EIF5: variants seen among roughly 807,000 people sequenced by gnomAD.
EIF5 encodes eukaryotic translation initiation factor 5.
EIF5 carries 10 observed loss-of-function variants against 48.3 expected under a neutral mutation model. That is an observed-to-expected ratio of 0.21 (90% confidence interval 0.13 to 0.35). EIF5 has a LOEUF of 0.35. Among genes scored for constraint, EIF5 ranks in the 10% least tolerant of loss-of-function variants. The pLI is 1.00. For missense variants in EIF5, 397 were observed against 533.2 expected (o/e 0.74, Z 2.51); for synonymous variants, 237 against 173.1 (o/e 1.37, Z -2.90).
At chr14:103,335,614 T>TA in intron 2 of EIF5, 39 bp from the exon 3 acceptor site, 1 of 552,540 alleles carries the variant, frequency 1.8e-6, no homozygotes, top group South Asian at 2.3e-5. Flanking sequence ...ATGTTAAACC[T>TA]GGGGGGATTT....
intron 10 of EIF5, 87 bp from the exon 11 acceptor site, chr14:103,340,340 T>A (rs2089338387): frequency 2.8e-6 from 4 of 1,427,398 alleles, no homozygotes; most frequent in Non-Finnish European, 3.8e-6. Context: ...TAGGACCCAG[T>A]CCCCTCAGCT....
chr14:103,338,689 G>A (rs371375525), intron 7 of EIF5, 46 bp from the exon 8 acceptor site: 31 of 1,586,730 alleles, frequency 2.0e-5, no homozygotes, highest in Non-Finnish European at 2.5e-5. Flanking sequence ...CCTTTTTGTT[G>A]TTGTTTTTAA....
intron 11 of EIF5, 38 bp from the exon 12 acceptor site, chr14:103,340,921 GATTT>G: frequency 4.4e-6 from 7 of 1,584,026 alleles, no homozygotes; most frequent in Non-Finnish European, 6.1e-6. Flanking sequence ...TTTATAAACA[GATTT>G]ATCAGCTTAT....
intron 6 of EIF5, chr14:103,337,864 G>A (rs748823990): frequency 3.8e-6 from 2 of 519,774 alleles, no homozygotes; most frequent in Non-Finnish European, 3.8e-6. Flanking sequence ...ACACTCTGTG[G>A]CAGATGATCA....
chr14:103,336,633 T>TCTACTACTGGCTACTCTGG, intron 4 of EIF5, 44 bp from the exon 5 acceptor site: 1 of 1,538,242 alleles, frequency 6.5e-7, no homozygotes, highest in Non-Finnish European at 8.7e-7. Context: ...TAGCCAGAGA[T>TCTACTACTGGCTACTCTGG]CTAGTTAACT....
rs1409474702 is a variant in EIF5 at position 103,343,824 on chromosome 14, C to T, written c.*2772C>T. 6.6e-6 allele frequency: 1 copy of T among 152,084 alleles called. No homozygotes were observed. Among genetic ancestry groups the T allele is most frequent in the Non-Finnish European group, 1.5e-5 (1 of 68,016 alleles). The allele number at this position is 152,084 out of a possible 1,614,324, so 9.4% of individuals were successfully genotyped here. On this transcript the variant is annotated 3_prime_UTR_variant, in exon 12 of 12. Coordinates refer to ENST00000216554, the MANE Select transcript of EIF5 (RefSeq NM_001969.5). ...AGGTCACTTATCTAACAAAATAACC[C>T]TTCATGTATTTTAAATTTATTTGAC... is the stretch of plus-strand genomic sequence containing the variant.
intron 7 of EIF5, 85 bp downstream of exon 7, chr14:103,338,557 C>T (rs750276164): frequency 7.9e-5 from 119 of 1,505,412 alleles, no homozygotes; most frequent in Non-Finnish European, 1.0e-4. Flanking sequence ...AATGTTGAAA[C>T]TAGCCTTCAG....
At chr14:103,340,323 G>T in intron 10 of EIF5, 104 bp from the exon 11 acceptor site, 1 of 1,281,512 alleles carries the variant, frequency 7.8e-7, no homozygotes, top group Non-Finnish European at 1.1e-6. Context: ...TGAGGATTCA[G>T]ACTTGTTAGG....
At chr14:103,339,870 G>A in intron 10 of EIF5, 67 bp downstream of exon 10, 1 of 1,528,200 alleles carries the variant, frequency 6.5e-7, no homozygotes. Flanking sequence ...TTGGTTGATT[G>A]TTTTTGGAGA....
rs1210597133 is a variant in EIF5 at position 103,344,882 on chromosome 14, G to A, written c.*3830G>A. On this transcript the variant is annotated 3_prime_UTR_variant, in exon 12 of 12. Transcript: ENST00000216554. Reference sequence around the variant, plus strand: ...GGATTTTTAGGTCTAGCAATACACTGTTTACAAGAGCATCACCTAAAATGT... The same window carrying A: ...GGATTTTTAGGTCTAGCAATACACTATTTACAAGAGCATCACCTAAAATGT... 1.3e-5 allele frequency: 2 copies of A among 151,996 alleles called. No homozygotes were observed. Among genetic ancestry groups the A allele is most frequent in the Non-Finnish European group, 2.9e-5 (2 of 67,996 alleles). The allele number at this position is 151,996 out of a possible 1,614,324, so 9.4% of individuals were successfully genotyped here.
chr14:103,337,670 T>G (rs1004618778), intron 6 of EIF5: 1 of 348,628 alleles, frequency 2.9e-6, no homozygotes, highest in South Asian at 2.2e-5. Flanking sequence ...TTCAAAAGTG[T>G]ATTGTTAATT....
At chr14:103,336,874 A>G (rs1049532819) in intron 5 of EIF5, 25 bp downstream of exon 5, 5 of 1,600,574 alleles carry the variant, frequency 3.1e-6, no homozygotes, top group African/African-American at 2.7e-5. Flanking sequence ...GGTTGTCGAA[A>G]GAAAAAGCCA....
intron 6 of EIF5, chr14:103,337,737 T>C (rs2089304790): frequency 2.4e-6 from 1 of 424,108 alleles, no homozygotes; most frequent in South Asian, 1.8e-5. Context: ...AATTAAGACA[T>C]TATCTGAGGG....
At position 103,342,802 on chromosome 14, in the gene EIF5, G is replaced by T. The variant is rs574983963; in HGVS notation, c.*1750G>T. The T allele has an allele frequency of 6.5e-6, 1 of 152,696 alleles. No homozygotes were observed. The highest frequency in any genetic ancestry group is 1.9e-4 in the East Asian group (1 of 5,188). 9.5% of individuals were successfully genotyped at this position (152,696 alleles called of 1,614,324 possible). On this transcript the variant is annotated 3_prime_UTR_variant, in exon 12 of 12. Coordinates refer to ENST00000216554, the MANE Select transcript of EIF5 (RefSeq NM_001969.5). ...GATTTTTTTTTCTTCAAACTTGTAT[G>T]TTGCCTAGGTTTCAAATTCTTTGCC... is the stretch of plus-strand genomic sequence containing the variant.
chr14:103,337,903 A>C (rs760617003), intron 6 of EIF5: 1 of 522,686 alleles, frequency 1.9e-6, no homozygotes, highest in Non-Finnish European at 3.8e-6. Context: ...TGAGCTTGCT[A>C]TAGCAAGAAA....
chr14:103,338,897 A>G lies in EIF5; in HGVS notation c.744+4A>G, dbSNP rs2089320343. 6.2e-7 allele frequency: 1 copy of G among 1,613,114 alleles called. No homozygotes were observed. Among genetic ancestry groups the G allele is most frequent in the Non-Finnish European group, 8.5e-7 (1 of 1,179,534 alleles). ...TATCCTCTTTGATTTTGTTAAGGTA[A>G]AACATTTGCTTGGTCTGTAAATCAG... On this transcript the variant is annotated splice_donor_region_variant and intron_variant, in intron 8 of 11. Coordinates refer to ENST00000216554, the MANE Select transcript of EIF5 (RefSeq NM_001969.5).
Position 103,344,979 on chromosome 14 carries a change from C to G in EIF5, c.*3927C>G, listed in dbSNP as rs987052944. On this transcript the variant is annotated 3_prime_UTR_variant, in exon 12 of 12. Transcript: ENST00000216554. ...TAACCAAAAATGTAGCTCTTTGAAT[C>G]TCAGAAAAAAGTAGATTTTAATAAA... 2 of 151,746 alleles carry G rather than the reference C, an allele frequency of 1.3e-5. No homozygotes were observed. Among genetic ancestry groups the G allele is most frequent in the African/African-American group, 4.9e-5 (2 of 41,090 alleles). 9.4% of individuals were successfully genotyped at this position (151,746 alleles called of 1,614,324 possible).
chr14:103,338,419 A>AC lies in EIF5; in HGVS notation c.533dup (p.Pro179ThrfsTer9). ...AAATGGCTCCGTATCCAGCAGTGAG[A>AC]CACCACCACCACCACCACCACCAAA... is the stretch of plus-strand genomic sequence containing the variant. On this transcript the variant is annotated frameshift_variant, in exon 7 of 12. Transcript: ENST00000216554. LOFTEE classifies it high-confidence loss of function. The AC allele has an allele frequency of 6.2e-7, 1 of 1,600,538 alleles. No individual in the cohort carries two copies. Among genetic ancestry groups the AC allele is most frequent in the Non-Finnish European group, 8.5e-7 (1 of 1,172,870 alleles).
rs576100717 is a variant in EIF5, at chr14:103,335,613, C to T, written c.-208-40C>T. The T allele has an allele frequency of 4.8e-5, 26 of 544,274 alleles. No individual in the cohort carries two copies. In the South Asian group the frequency reaches 5.5e-4, roughly 11 times the overall value. The allele number at this position is 544,274 out of a possible 1,614,324, so 33.7% of individuals were successfully genotyped here. On this transcript the variant is annotated intron_variant, in intron 2 of 11. Coordinates refer to ENST00000216554, the MANE Select transcript of EIF5 (RefSeq NM_001969.5). ...TTTCCATCCAGCGATGATGTTAAAC[C>T]TGGGGGGATTTTTGTGTGTTCTTTC...
Sources: allele counts gnomAD v4.1 joint callset, GRCh38; gene constraint gnomAD v4.1.1; transcripts MANE v1.5; gene names NCBI Gene and HGNC (gene_info 2026-07-23, HGNC 2026-07-21).